The following SMOC2 variants were observed in gnomAD, a reference collection of about 807,000 sequenced individuals.
The protein encoded by SMOC2 is SPARC related modular calcium binding 2.
In SMOC2, 39 loss-of-function variants were observed where a neutral mutation model predicts 61.4. The ratio of observed to expected loss-of-function variants is 0.64; its 90% CI spans 0.49 to 0.83. The LOEUF (loss-of-function observed/expected upper bound fraction) is 0.83. Ranked by LOEUF, SMOC2 falls within the 40% of genes least tolerant of loss-of-function variation. SMOC2 has a pLI of 0.00. For synonymous variants in SMOC2, 247 were observed against 239.9 expected (o/e 1.03, Z -0.27); for missense variants, 556 against 592.9 (o/e 0.94, Z 0.65).
At position 168,448,548 on chromosome 6, in the gene SMOC2, C is replaced by T. The variant is rs565075962; in HGVS notation, c.84+7094C>T. Among the ~76,000 whole-genome samples the T allele has an allele frequency of 2.9e-4, 14 of 47,658 alleles. No homozygotes were observed. In the East Asian group the frequency reaches 6.2e-3, roughly 21 times the overall value. 31.3% of individuals were successfully genotyped at this position (47,658 alleles called of 152,430 possible). On this transcript the variant is annotated intron_variant, in intron 1 of 12. Transcript: ENST00000356284. ...AGGAGGATGAGGATGGGGAGGAGGA[C>T]GGAGATGGGGAGGAGGACAGAACTG...
At chr6:168,505,281 G>A (rs990411915) in intron 1 of SMOC2, among the ~76,000 whole-genome samples, 1 of 151,200 alleles carries the variant, frequency 6.6e-6, no homozygotes, top group African/African-American at 2.4e-5. Flanking sequence ...GATGCTGGAT[G>A]AATGACTGAA....
At chr6:168,576,374 A>G (rs1784804514) in intron 7 of SMOC2, among the ~76,000 whole-genome samples, 2 of 152,260 alleles carry the variant, frequency 1.3e-5, no homozygotes, top group Middle Eastern at 6.8e-3. Flanking sequence ...GTTTGCACTA[A>G]GCACGTTGTG....
At chr6:168,483,453 G>C (rs1313274000) in intron 1 of SMOC2, among the ~76,000 whole-genome samples, 2 of 152,014 alleles carry the variant, frequency 1.3e-5, no homozygotes, top group African/African-American at 2.4e-5. Context: ...ATCAACAAAT[G>C]GAAACACATC....
rs575732226 is a variant in SMOC2 at position 168,459,287 on chromosome 6, G to A, written c.84+17833G>A. On this transcript the variant is annotated intron_variant, in intron 1 of 12. Coordinates refer to ENST00000356284, the MANE Select transcript of SMOC2 (RefSeq NM_001166412.2). ...GTGCTGTGCAAGCGTCTAGGGCTTC[G>A]TAGGTGTGTTTTGATGAAGGTCACA... 9.2e-5 allele frequency among the ~76,000 whole-genome samples: 14 copies of A among 152,186 alleles called. No homozygotes were observed. The East Asian group carries it at 1.4e-3, about 15-fold the overall frequency.
chr6:168,476,285 A>G (rs1176394742), intron 1 of SMOC2, among the ~76,000 whole-genome samples: 4 of 152,134 alleles, frequency 2.6e-5, no homozygotes, highest in Non-Finnish European at 5.9e-5. Flanking sequence ...ATCACTCACT[A>G]GTTAATCACT....
chr6:168,490,306 C>G (rs982290811), intron 1 of SMOC2, among the ~76,000 whole-genome samples: 4 of 152,130 alleles, frequency 2.6e-5, no homozygotes, highest in Admixed American at 2.6e-4. Flanking sequence ...TTGGATCACA[C>G]TGTTTTAGAA....
At chr6:168,613,283 C>T (rs1443985977) in intron 9 of SMOC2, among the ~76,000 whole-genome samples, 1 of 152,158 alleles carries the variant, frequency 6.6e-6, no homozygotes, top group Non-Finnish European at 1.5e-5. Context: ...CCTTCCTCCA[C>T]CAGCTCAGGT....
intron 1 of SMOC2, among the ~76,000 whole-genome samples, chr6:168,505,416 T>G (rs1287332627): frequency 6.6e-6 from 1 of 151,514 alleles, no homozygotes; most frequent in Non-Finnish European, 1.5e-5. Flanking sequence ...GAATGAAATG[T>G]CCATCTCTCA....
intron 1 of SMOC2, among the ~76,000 whole-genome samples, chr6:168,456,155 T>G (rs1781581611): frequency 6.6e-6 from 1 of 152,254 alleles, no homozygotes; most frequent in Admixed American, 6.5e-5. Context: ...GCCTGAGCTC[T>G]GCGAAGTGAC....
chr6:168,605,853 C>T (rs1025164259), intron 8 of SMOC2, among the ~76,000 whole-genome samples: 1 of 152,008 alleles, frequency 6.6e-6, no homozygotes, highest in Admixed American at 6.5e-5. Context: ...CCCTCTGATA[C>T]TCGGAGAAGC....
intron 9 of SMOC2, among the ~76,000 whole-genome samples, chr6:168,621,101 G>A (rs753944483): frequency 6.0e-5 from 9 of 149,752 alleles, no homozygotes; most frequent in Non-Finnish European, 1.0e-4. Context: ...TCAAATTAAG[G>A]ACAATCTTTC....
At chr6:168,635,673 C>T (rs1178541460) in intron 9 of SMOC2, among the ~76,000 whole-genome samples, 1 of 152,002 alleles carries the variant, frequency 6.6e-6, no homozygotes, top group African/African-American at 2.4e-5. Flanking sequence ...GAGTTTGAGA[C>T]TAGCCTGGTC....
In SMOC2 at chr6:168,453,632, GTC is replaced by G. The variant is rs562491030; in HGVS notation, c.84+12186_84+12187del. Among the ~76,000 whole-genome samples, 1,385 of 150,890 alleles carry G rather than the reference GTC, an allele frequency of 9.2e-3. 15 individuals carry two copies. The highest frequency in any genetic ancestry group is 0.015 in the Admixed American group (227 of 15,198). ...TGTTTCTTCCTGTCTCTGTCTCTTT[GTC>G]TCTCTCTGTCTCTTTCTCTCTGTCT... On this transcript the variant is annotated intron_variant, in intron 1 of 12. Transcript: ENST00000356284. This position sits in a 1 kb window ranked among gnomAD's most constrained non-coding sequence, Gnocchi z 4.4.
chr6:168,599,212 A>G (rs1398383037), intron 8 of SMOC2, among the ~76,000 whole-genome samples: 1 of 131,742 alleles, frequency 7.6e-6, no homozygotes, highest in African/African-American at 2.9e-5. Context: ...ACACACTCAT[A>G]CCCACACACA....
At chr6:168,507,414 C>CTGTGCTGCCCCAGCCAGCTG in intron 1 of SMOC2, among the ~76,000 whole-genome samples, 1 of 152,232 alleles carries the variant, frequency 6.6e-6, no homozygotes, top group Non-Finnish European at 1.5e-5. Context: ...CAGTGCAAAG[C>CTGTGCTGCCCCAGCCAGCTG]TGTGCTGCCC....
intron 9 of SMOC2, among the ~76,000 whole-genome samples, chr6:168,638,396 C>T (rs966301056): frequency 6.6e-6 from 1 of 152,170 alleles, no homozygotes; most frequent in African/African-American, 2.4e-5. Context: ...AAGTTAGACA[C>T]TAAGCAAACA....
intron 7 of SMOC2, among the ~76,000 whole-genome samples, chr6:168,559,967 A>T (rs1784359371): frequency 6.6e-6 from 1 of 152,212 alleles, no homozygotes; most frequent in African/African-American, 2.4e-5. Context: ...CTGAGAGTTT[A>T]AAAAATGTTC....
chr6:168,597,056 A>G (rs1192347158), intron 7 of SMOC2, among the ~76,000 whole-genome samples: 1 of 152,252 alleles, frequency 6.6e-6, no homozygotes, highest in Admixed American at 6.5e-5. Flanking sequence ...CTTCACTTTA[A>G]TGTTTATCAT....
intron 1 of SMOC2, among the ~76,000 whole-genome samples, chr6:168,461,181 A>G (rs554419414): frequency 6.6e-6 from 1 of 152,344 alleles, no homozygotes; most frequent in African/African-American, 2.4e-5. Context: ...GAGCTTGTGC[A>G]GGGGTACTCC....
Sources: allele counts gnomAD v4.1 joint callset (sites outside exome capture counted in the v4.1 genomes callset), GRCh38; gene constraint gnomAD v4.1.1; non-coding constraint Gnocchi (gnomAD v3.1); transcripts MANE v1.5; gene names NCBI Gene and HGNC (gene_info 2026-07-23, HGNC 2026-07-21).